The following IAH1 variants were observed in gnomAD, a reference collection of about 807,000 sequenced individuals.
The protein encoded by IAH1 is isoamyl acetate hydrolyzing esterase 1 (putative).
In IAH1, 24 loss-of-function variants were observed where a neutral mutation model predicts 26.7. That is an observed-to-expected ratio of 0.90 (90% CI 0.65 to 1.26). The LOEUF (loss-of-function observed/expected upper bound fraction) is 1.26. Among genes scored for constraint, IAH1 ranks in the 50% most tolerant of loss-of-function variants. IAH1 has a pLI of 0.00. For synonymous variants in IAH1, 140 were observed against 118.5 expected (o/e 1.18, Z -1.18); for missense variants, 300 against 299.9 (o/e 1.00, Z 0.00).
At position 9,478,253 on chromosome 2, in the gene IAH1, G is replaced by A; in HGVS notation, c.166G>A (p.Gly56Ser). 1 of 1,610,462 alleles carries A rather than the reference G, an allele frequency of 6.2e-7. No homozygotes were observed. The highest frequency in any genetic ancestry group is 1.1e-5 in the South Asian group (1 of 90,054). The change falls in exon 3 of 6, where the codon GGT becomes AGT. Residue 56 changes from glycine (G) to serine (S), a missense_variant. Gly to Ser is a moderately conservative substitution (Grantham distance 56, BLOSUM62 0). Coordinates refer to ENST00000497473, the MANE Select transcript of IAH1 (RefSeq NM_001039613.3). Reference sequence around the variant, plus strand: ...TGATGTTCTGAATCGTGGATTTTCAGGTTACAATACCAGGTGGGCCAAAAT... The same window carrying A: ...TGATGTTCTGAATCGTGGATTTTCAAGTTACAATACCAGGTGGGCCAAAAT... ...KCDVLNRGFS[G>S]YNTRWAKIIL...
At chr2:9,510,728 A>T in the IAH1 span, among the ~76,000 whole-genome samples, 1 of 151,280 alleles carries the variant, frequency 6.6e-6, no homozygotes, top group South Asian at 2.1e-4. Flanking sequence ...GCTACTTGGG[A>T]GGCTGAGGTG....
downstream of IAH1, among the ~76,000 whole-genome samples, chr2:9,499,854 T>G (rs868757778): frequency 6.6e-5 from 10 of 152,218 alleles, no homozygotes; most frequent in African/African-American, 1.7e-4. Flanking sequence ...GACCTCCAGC[T>G]TTCTGTTTGC....
chr2:9,497,422 G>A (rs993250947), downstream of IAH1, among the ~76,000 whole-genome samples: 2 of 152,226 alleles, frequency 1.3e-5, no homozygotes, highest in African/African-American at 4.8e-5. Context: ...ATTTAAATGG[G>A]AGTGCCTGGC....
downstream of IAH1, chr2:9,497,187 A>G: frequency 6.2e-7 from 1 of 1,614,238 alleles, no homozygotes. Flanking sequence ...TACACTTGCC[A>G]AGATCCAAGC....
chr2:9,490,340 T>C, downstream of IAH1: 3 of 1,614,148 alleles, frequency 1.9e-6, no homozygotes, highest in East Asian at 2.2e-5. Flanking sequence ...CTCGTCCATA[T>C]GTGAGTCTGT....
At chr2:9,493,138 C>T (rs1444532675), downstream of IAH1, 1 of 613,292 alleles carries the variant, frequency 1.6e-6, no homozygotes, top group Non-Finnish European at 2.8e-6. Context: ...TGTATTACAC[C>T]ACACCATCTC....
At chr2:9,511,670 A>G in the IAH1 span, among the ~76,000 whole-genome samples, 2 of 152,076 alleles carry the variant, frequency 1.3e-5, no homozygotes, top group Non-Finnish European at 1.5e-5. Flanking sequence ...ATTTATCTGA[A>G]TAAAATATCA....
chr2:9,475,195 A>G, intron 1 of IAH1: 2 of 1,289,512 alleles, frequency 1.6e-6, no homozygotes, highest in Non-Finnish European at 2.0e-6. Flanking sequence ...CCTCCCATGA[A>G]GGGAACGGTC....
At chr2:9,476,191 C>T (rs902094416) in intron 2 of IAH1, 152 bp downstream of exon 2, 5 of 667,006 alleles carry the variant, frequency 7.5e-6, no homozygotes, top group Admixed American at 5.3e-5. Context: ...GAACAGAAAA[C>T]ATTTACTCTT....
downstream of IAH1, among the ~76,000 whole-genome samples, chr2:9,500,363 A>C (rs559248169): frequency 8.7e-4 from 133 of 152,352 alleles, no homozygotes; most frequent in African/African-American, 3.0e-3. Context: ...AGACAACTCC[A>C]TAAAGAATAG....
At chr2:9,478,590 A>C (rs531982644) in intron 3 of IAH1, among the ~76,000 whole-genome samples, 1 of 152,294 alleles carries the variant, frequency 6.6e-6, no homozygotes, top group African/African-American at 2.4e-5. Flanking sequence ...TAATCTTGCA[A>C]ACAGTTAAAT....
chr2:9,483,082 G>A (rs761156068), intron 4 of IAH1, among the ~76,000 whole-genome samples: 3 of 152,198 alleles, frequency 2.0e-5, no homozygotes, highest in Admixed American at 6.5e-5. Flanking sequence ...ACTTCTTTTT[G>A]TCTACTGTTT....
chr2:9,482,985 G>A lies in IAH1; in HGVS notation c.446-1447G>A, dbSNP rs143447036. 2.5e-3 allele frequency among the ~76,000 whole-genome samples: 379 copies of A among 152,306 alleles called. 2 individuals carry two copies. The highest frequency in any genetic ancestry group is 8.9e-3 in the African/African-American group (368 of 41,566). ...GCCCCAGCTTGCTTCTGGGCCTGCA[G>A]CCCTAACTGCTTTGGGGGGCAGTGT... is the stretch of plus-strand genomic sequence containing the variant. On this transcript the variant is annotated intron_variant, in intron 4 of 5. Transcript: ENST00000497473.
chr2:9,499,727 T>C (rs973540341), downstream of IAH1, among the ~76,000 whole-genome samples: 4 of 152,126 alleles, frequency 2.6e-5, no homozygotes, highest in Admixed American at 2.0e-4. Context: ...TTTGGCAAAG[T>C]AATGTGATAG....
In IAH1 at chr2:9,474,576, T is replaced by C; in HGVS notation, c.10T>C (p.Cys4Arg). Reference sequence around the variant, plus strand: ...CCCGCCCGGCTGCTCCATGGCGCTGTGCGAGGCCGCGGGCTGCGGGAGTGC... The same window carrying C: ...CCCGCCCGGCTGCTCCATGGCGCTGCGCGAGGCCGCGGGCTGCGGGAGTGC... The part of the protein sequence containing the change: MAL[C>R]EAAGCGSALL... Residue 4 changes from cysteine (C) to arginine (R), a missense_variant, in exon 1 of 6, where the codon TGC becomes CGC. Cys to Arg is a radical substitution (Grantham distance 180). Coordinates refer to ENST00000497473, the MANE Select transcript of IAH1 (RefSeq NM_001039613.3). This position sits in a 1 kb window ranked among gnomAD's most constrained non-coding sequence, Gnocchi z 4.3. The C allele has an allele frequency of 1.3e-6, 2 of 1,498,992 alleles. No homozygotes were observed. The highest frequency in any genetic ancestry group is 2.4e-5 in the South Asian group (2 of 82,632). 92.9% of individuals were successfully genotyped at this position (1,498,992 alleles called of 1,614,324 possible).
chr2:9,505,448 CA>C, the IAH1 span: 1 of 1,404,074 alleles, frequency 7.1e-7, no homozygotes, highest in African/African-American at 1.4e-5. Context: ...TCTCTAGAGA[CA>C]AACTCTTAAT....
chr2:9,484,672 A>C lies in IAH1; in HGVS notation c.564+122A>C. 3 of 647,310 alleles carry C rather than the reference A, an allele frequency of 4.6e-6. No homozygotes were observed. In the South Asian group the frequency reaches 5.6e-5, roughly 12 times the overall value. The allele number at this position is 647,310 out of a possible 1,614,324, so 40.1% of individuals were successfully genotyped here. Reference sequence around the variant, plus strand: ...GCTAAGACAGTCATCCCTTTAGCCAATGAAAACAAACAGGCTTGGGGGAGG... The same window carrying C: ...GCTAAGACAGTCATCCCTTTAGCCACTGAAAACAAACAGGCTTGGGGGAGG... On this transcript the variant is annotated intron_variant, in intron 5 of 5. Transcript: ENST00000497473.
downstream of IAH1, chr2:9,496,612 G>A (rs371643025): frequency 7.8e-5 from 12 of 153,184 alleles, 1 homozygote; most frequent in African/African-American, 2.9e-4. Context: ...TCCTGCCCCA[G>A]GCTGCTCTAA....
At chr2:9,491,271 G>C, downstream of IAH1, 1 of 833,876 alleles carries the variant, frequency 1.2e-6, no homozygotes, top group Non-Finnish European at 1.9e-6. Context: ...TGTAGAAAGT[G>C]ATAGCAGGCT....
Sources: gnomAD v4.1 joint callset for allele counts (sites outside exome capture counted in the v4.1 genomes callset) on GRCh38, gnomAD v4.1.1 for gene constraint, Gnocchi (gnomAD v3.1) non-coding constraint, MANE v1.5 for transcripts, NCBI Gene and HGNC (gene_info 2026-07-23, HGNC 2026-07-21) for gene names.